Variants in AMDHD2 observed in about 807,000 individuals in gnomAD.
AMDHD2 encodes the protein amidohydrolase domain containing 2.
A neutral mutation model predicts 41.8 loss-of-function variants in AMDHD2; 24 were observed. The observed-to-expected ratio is 0.57, with a 90% CI of 0.42 to 0.81. The LOEUF is 0.81. Among genes scored for constraint, AMDHD2 ranks in the 30% least tolerant of loss-of-function variants. AMDHD2 has a pLI of 0.00. For missense variants in AMDHD2, 540 were observed against 588.5 expected (o/e 0.92, Z 0.85); for synonymous variants, 332 against 255.5 (o/e 1.30, Z -2.85).
chr16:2,520,932 C>G (rs2065926675), intron 2 of AMDHD2, 27 bp downstream of exon 2: 2 of 1,596,352 alleles, frequency 1.3e-6, no homozygotes, highest in South Asian at 1.1e-5. Context: ...GCAGGGGAAC[C>G]CAGGGGAGGA....
chr16:2,528,310 TG>T lies in AMDHD2; in HGVS notation c.795del (p.Met266Ter). The T allele has an allele frequency of 6.2e-7, 1 of 1,612,610 alleles. No individual in the cohort carries two copies. The highest frequency in any genetic ancestry group is 8.5e-7 in the Non-Finnish European group (1 of 1,179,886). ...RLPAGRCIFYGMIADGTHTNP... is the reference protein window; with the variant it reads ...RLPAGRCIFYXMIADGTHTNP... ...TGCCCGCAGGCCGCTGCATCTTCTATGGGATGATTGCAGATGGCACGCACAC... is the reference window on the plus strand; with the variant it reads ...TGCCCGCAGGCCGCTGCATCTTCTATGGATGATTGCAGATGGCACGCACAC... On this transcript the variant is annotated frameshift_variant, in exon 7 of 11. Coordinates refer to ENST00000293971, the MANE Select transcript of AMDHD2 (RefSeq NM_001330449.2). LOFTEE classifies it high-confidence loss of function.
In AMDHD2 at chr16:2,527,521, G is replaced by A; in HGVS notation, c.361-40G>A. 6.3e-7 allele frequency: 1 copy of A among 1,597,406 alleles called. No individual in the cohort carries two copies. Among genetic ancestry groups the A allele is most frequent in the South Asian group, 1.1e-5 (1 of 88,074 alleles). The stretch of plus-strand genomic sequence containing the variant: ...GGCTAGGCTGTGGCCTCTGGGAATG[G>A]GCTGTGGGGGACAGGGCTTTAACAG... On this transcript the variant is annotated intron_variant, in intron 3 of 10. Transcript: ENST00000293971. This position sits in a 1 kb window ranked among gnomAD's most constrained non-coding sequence, Gnocchi z 6.1.
chr16:2,526,430 G>A (rs943523893), intron 3 of AMDHD2, among the ~76,000 whole-genome samples: 7 of 152,018 alleles, frequency 4.6e-5, no homozygotes, highest in Admixed American at 2.0e-4. Context: ...CCGGGGGCCC[G>A]ACCGGCACAC....
chr16:2,530,290 G>C lies in AMDHD2; in HGVS notation c.*727G>C, dbSNP rs755691521. On this transcript the variant is annotated 3_prime_UTR_variant, in exon 11 of 11. Coordinates refer to ENST00000293971, the MANE Select transcript of AMDHD2 (RefSeq NM_001330449.2). Reference sequence around the variant, plus strand: ...CTTGCCGGCTGTGGTGACCCTGCCTGGTGCTGGAGGGCAGTATGGGAGGCA... The same window carrying C: ...CTTGCCGGCTGTGGTGACCCTGCCTCGTGCTGGAGGGCAGTATGGGAGGCA... 6.2e-7 allele frequency: 1 copy of C among 1,613,646 alleles called. No homozygotes were observed. Among genetic ancestry groups the C allele is most frequent in the South Asian group, 1.1e-5 (1 of 91,040 alleles).
chr16:2,525,646 G>A (rs2065994460), intron 3 of AMDHD2, among the ~76,000 whole-genome samples: 2 of 152,128 alleles, frequency 1.3e-5, no homozygotes, highest in South Asian at 2.1e-4. Flanking sequence ...CCAGGTTCAC[G>A]CCATTCTCCT....
Position 2,528,368 on chromosome 16 carries a change from G to T in AMDHD2, c.850G>T (p.Ala284Ser). ...NPAALRIAHRAHPQGLVLVTD... is the reference protein window; with the variant it reads ...NPAALRIAHRSHPQGLVLVTD... ...CGCCGCCCTGCGGATCGCCCACCGTGCCCATCCCCAGGGTAAGCTGCGGCA... is the reference window on the plus strand; with the variant it reads ...CGCCGCCCTGCGGATCGCCCACCGTTCCCATCCCCAGGGTAAGCTGCGGCA... The change falls in exon 7 of 11, where the codon GCC becomes TCC. Residue 284 changes from alanine to serine, a missense_variant. Coordinates refer to ENST00000293971, the MANE Select transcript of AMDHD2 (RefSeq NM_001330449.2). 1 of 1,612,940 alleles carries T rather than the reference G, an allele frequency of 6.2e-7. No individual in the cohort carries two copies. The highest frequency in any genetic ancestry group is 1.7e-4 in the Middle Eastern group (1 of 6,052).
Position 2,530,903 on chromosome 16 carries a change from GCA to G in AMDHD2, c.*1342_*1343del. ...TACCCACCTCTGCCTTGACGGCCGC[GCA>G]CCCCTTAGGAAGTGGCTGTCCAGCG... On this transcript the variant is annotated 3_prime_UTR_variant, in exon 11 of 11. Transcript: ENST00000293971. The G allele has an allele frequency of 6.2e-7, 1 of 1,613,458 alleles. No homozygotes were observed.
At position 2,530,723 on chromosome 16, in the gene AMDHD2, A is replaced by G; in HGVS notation, c.*1160A>G. ...CCCCACCTGTTGGAAGGGAACAGCC[A>G]GGGAAGAACCACCTGCCTGGGCAGG... On this transcript the variant is annotated 3_prime_UTR_variant, in exon 11 of 11. Transcript: ENST00000293971. 2 of 1,613,980 alleles carry G rather than the reference A, an allele frequency of 1.2e-6. No individual in the cohort carries two copies. The highest frequency in any genetic ancestry group is 1.7e-6 in the Non-Finnish European group (2 of 1,180,008).
intron 3 of AMDHD2, among the ~76,000 whole-genome samples, chr16:2,523,625 C>A (rs1472442755): frequency 6.6e-6 from 1 of 152,146 alleles, no homozygotes; most frequent in Non-Finnish European, 1.5e-5. Flanking sequence ...TTTCCCACAG[C>A]CCTCCCCACA....
intron 3 of AMDHD2, among the ~76,000 whole-genome samples, chr16:2,525,180 C>T (rs551519499): frequency 7.9e-5 from 12 of 151,612 alleles, no homozygotes; most frequent in South Asian, 2.1e-4. Flanking sequence ...CTTCAGCCTC[C>T]GGAGTAGCTG....
intron 3 of AMDHD2, among the ~76,000 whole-genome samples, chr16:2,524,948 T>A (rs987823983): frequency 1.3e-5 from 2 of 151,746 alleles, no homozygotes; most frequent in Non-Finnish European, 2.9e-5. Context: ...CCCAGTGACA[T>A]CTCAGCTGCC....
rs2066061807 is a variant in AMDHD2, at chr16:2,529,878, T to C, written c.*315T>C. On this transcript the variant is annotated 3_prime_UTR_variant, in exon 11 of 11. Transcript: ENST00000293971. ...GCCCCAGTGGGGGACAGGGCCTGTC[T>C]GCATGAAGTGGACCGGAGACCTGCA... The C allele has an allele frequency of 8.1e-7, 1 of 1,238,800 alleles. No individual in the cohort carries two copies. Among genetic ancestry groups the C allele is most frequent in the African/African-American group, 1.5e-5 (1 of 65,992 alleles). 76.7% of individuals were successfully genotyped at this position (1,238,800 alleles called of 1,614,324 possible).
At chr16:2,526,467 CCCA>C (rs1017062574) in intron 3 of AMDHD2, among the ~76,000 whole-genome samples, 4 of 152,174 alleles carry the variant, frequency 2.6e-5, no homozygotes, top group Non-Finnish European at 5.9e-5. Flanking sequence ...TCCGTTGGTC[CCCA>C]CGTCACCCTA....
chr16:2,522,929 C>T (rs891137083), intron 3 of AMDHD2, among the ~76,000 whole-genome samples: 3 of 151,252 alleles, frequency 2.0e-5, no homozygotes, highest in Admixed American at 6.6e-5. Flanking sequence ...CTACAACCTC[C>T]GCCTCCTGGG....
Position 2,520,820 on chromosome 16 carries a change from C to T in AMDHD2, c.135C>T (p.Phe45=), listed in dbSNP as rs1366305645. 1.9e-6 allele frequency: 3 copies of T among 1,611,440 alleles called. No individual in the cohort carries two copies. Among genetic ancestry groups the T allele is most frequent in the African/African-American group, 1.3e-5 (1 of 75,040 alleles). ...GGRILDPEKL[F]FEERRVADER... ...GCATCTTGGACCCAGAGAAGCTGTT[C>T]TTTGAGGAGCGGCGCGTGGCCGACG... is the stretch of plus-strand genomic sequence containing the variant. Residue 45 remains phenylalanine, a synonymous_variant, in exon 2 of 11, where the codon TTC becomes TTT. Transcript: ENST00000293971.
In AMDHD2 at chr16:2,530,903, G is replaced by A. The variant is rs767272799; in HGVS notation, c.*1340G>A. On this transcript the variant is annotated 3_prime_UTR_variant, in exon 11 of 11. Transcript: ENST00000293971. Reference sequence around the variant, plus strand: ...TACCCACCTCTGCCTTGACGGCCGCGCACCCCTTAGGAAGTGGCTGTCCAG... The same window carrying A: ...TACCCACCTCTGCCTTGACGGCCGCACACCCCTTAGGAAGTGGCTGTCCAG... The A allele has an allele frequency of 5.0e-6, 8 of 1,613,340 alleles. No individual in the cohort carries two copies. The highest frequency in any genetic ancestry group is 1.3e-5 in the African/African-American group (1 of 74,904).
At chr16:2,521,210 C>G (rs2065932271) in intron 3 of AMDHD2, 87 bp downstream of exon 3, 1 of 1,412,480 alleles carries the variant, frequency 7.1e-7, no homozygotes, top group African/African-American at 1.5e-5. Flanking sequence ...ACCCCCCACC[C>G]CCAGCACGTA....
Position 2,529,084 on chromosome 16 carries a change from G to A in AMDHD2, c.1130G>A (p.Gly377Asp). Reference protein sequence around the residue: ...LEKSKGTLDFGADADFVVLDD... With the variant: ...LEKSKGTLDFDADADFVVLDD... ...AAGAGTAAGGGGACCCTGGACTTTG[G>A]TGCTGACGCAGGTGAGGGCCTGTCG... The change falls in exon 10 of 11, where the codon GGT (glycine) becomes GAT (aspartate). Residue 377 changes from glycine (G) to aspartate (D), a missense_variant. Transcript: ENST00000293971. 6.3e-7 allele frequency: 1 copy of A among 1,586,056 alleles called. No homozygotes were observed.
chr16:2,521,026 G>C lies in AMDHD2; in HGVS notation c.263G>C (p.Gly88Ala). 1 of 1,611,416 alleles carries C rather than the reference G, an allele frequency of 6.2e-7. No homozygotes were observed. Among genetic ancestry groups the C allele is most frequent in the South Asian group, 1.1e-5 (1 of 90,526 alleles). Residue 88 changes from glycine (G) to alanine (A), a missense_variant, in exon 3 of 11, where the codon GGT becomes GCT. Transcript: ENST00000293971. ...VDFSQATEDV[G>A]SGVALVARRI... is the part of the protein sequence containing the mutation. ...TTCTCTCAAGCCACGGAGGACGTGG[G>C]TTCGGGGGTTGCCCTCGTGGCCCGG...
Sources: gnomAD v4.1 joint callset for allele counts (sites outside exome capture counted in the v4.1 genomes callset) on GRCh38, gnomAD v4.1.1 for gene constraint, Gnocchi (gnomAD v3.1) non-coding constraint, MANE v1.5 for transcripts, NCBI Gene and HGNC (gene_info 2026-07-23, HGNC 2026-07-21) for gene names.